Variants in SPTAN1 observed in about 807,000 individuals in gnomAD.
The protein encoded by SPTAN1 is spectrin alpha chain, non-erythrocytic 1.
SPTAN1 carries 61 observed loss-of-function variants against 331.3 expected under a neutral mutation model. The observed-to-expected ratio is 0.18, with a 90% CI of 0.15 to 0.23. SPTAN1 has a LOEUF of 0.23. Ranked by LOEUF, SPTAN1 falls within the 10% of genes least tolerant of loss-of-function variation. SPTAN1 has a pLI of 1.00. For synonymous variants in SPTAN1, 1,153 were observed against 1,173.9 expected (o/e 0.98, Z 0.36); for missense variants, 2,043 against 3,147.9 (o/e 0.65, Z 8.40).
rs745582924 is a variant in SPTAN1, at chr9:128,626,590, G to A, written c.6479G>A (p.Arg2160His). ...ADFNQLAELDRQIKSFRVASN... is the reference protein window; with the variant it reads ...ADFNQLAELDHQIKSFRVASN... The stretch of plus-strand genomic sequence containing the variant: ...TTCAACCAGCTGGCCGAGCTGGACC[G>A]CCAGATCAAGAGCTTCCGCGTAGCC... The change falls in exon 49 of 57, where the codon CGC becomes CAC. Residue 2160 changes from arginine (R) to histidine (H), a missense_variant. Arg to His is a conservative substitution (Grantham distance 29). Around this residue, in one of 12 missense-constraint regions of SPTAN1, gnomAD observed 256 missense variants for 376.4 expected, o/e 0.68. Transcript: ENST00000372739. 11 of 1,613,828 alleles carry A rather than the reference G, an allele frequency of 6.8e-6. No individual in the cohort carries two copies. The highest frequency in any genetic ancestry group is 8.5e-6 in the Non-Finnish European group (10 of 1,179,978).
Position 128,615,728 on chromosome 9 carries a change from G to A in SPTAN1, c.5245G>A (p.Gly1749Arg), listed in dbSNP as rs771886198. ...AAAGGACAAGAGGGACACCATCAAC[G>A]GGCGCTTCCAGAAGATCAAGAGCAT... ...QVKDKRDTIN[G>R]RFQKIKSMAA... Residue 1749 changes from glycine to arginine, a missense_variant, in exon 41 of 57, where the codon GGG becomes AGG. Gly to Arg is a moderately radical substitution (Grantham distance 125). Coordinates refer to ENST00000372739, the MANE Select transcript of SPTAN1 (RefSeq NM_001130438.3). 59 of 1,614,080 alleles carry A rather than the reference G, an allele frequency of 3.7e-5. No individual in the cohort carries two copies. The South Asian group carries it at 5.6e-4, about 15-fold the overall frequency.
chr9:128,586,643 G>A (rs150991904), intron 19 of SPTAN1, among the ~76,000 whole-genome samples: 4 of 151,856 alleles, frequency 2.6e-5, no homozygotes, highest in South Asian at 2.1e-4. Flanking sequence ...ATACCAGTGC[G>A]CACATATACC....
chr9:128,615,779 A>G lies in SPTAN1; in HGVS notation c.5296A>G (p.Asn1766Asp). ...SMAASRRAKLNESHRLHQFFR... is the reference protein window; with the variant it reads ...SMAASRRAKLDESHRLHQFFR... ...GGCGGCCTCCCGGCGAGCCAAGCTGAATGAATCCCATCGCCTGCACCAGTT... is the reference window on the plus strand; with the variant it reads ...GGCGGCCTCCCGGCGAGCCAAGCTGGATGAATCCCATCGCCTGCACCAGTT... The change falls in exon 41 of 57, where the codon AAT becomes GAT. Residue 1766 changes from asparagine to aspartate, a missense_variant. Coordinates refer to ENST00000372739, the MANE Select transcript of SPTAN1 (RefSeq NM_001130438.3). 1 of 1,614,262 alleles carries G rather than the reference A, an allele frequency of 6.2e-7. No individual in the cohort carries two copies. Among genetic ancestry groups the G allele is most frequent in the Non-Finnish European group, 8.5e-7 (1 of 1,180,054 alleles).
intron 52 of SPTAN1, 181 bp downstream of exon 52, chr9:128,630,556 G>A: frequency 1.6e-6 from 1 of 614,078 alleles, no homozygotes; most frequent in Non-Finnish European, 2.9e-6. Flanking sequence ...TTTCTTCATG[G>A]AATCTCTCTC....
intron 51 of SPTAN1, 166 bp downstream of exon 51, chr9:128,628,108 C>A: frequency 1.1e-6 from 1 of 898,658 alleles, no homozygotes; most frequent in Non-Finnish European, 1.9e-6. Context: ...GTGTGCCTTG[C>A]CCCATAGCCC....
chr9:128,617,550 T>C, intron 41 of SPTAN1, 90 bp from the exon 42 acceptor site: 1 of 1,588,350 alleles, frequency 6.3e-7, no homozygotes, highest in Non-Finnish European at 8.6e-7. Flanking sequence ...GATTAGTAGA[T>C]GTCTGTGAGG....
At position 128,629,568 on chromosome 9, in the gene SPTAN1, C is replaced by T. The variant is rs561393353; in HGVS notation, c.6708-753C>T. Reference sequence around the variant, plus strand: ...CCAAGGCCACACGCACCGTGTGATTCGTCCCTGCACGTAACCCTAACTCGT... The same window carrying T: ...CCAAGGCCACACGCACCGTGTGATTTGTCCCTGCACGTAACCCTAACTCGT... On this transcript the variant is annotated intron_variant, in intron 51 of 56. Coordinates refer to ENST00000372739, the MANE Select transcript of SPTAN1 (RefSeq NM_001130438.3). The surrounding 1 kb of genome is among the most constrained non-coding windows in gnomAD (Gnocchi z 4.9). 7.5e-5 allele frequency: 14 copies of T among 185,748 alleles called. No homozygotes were observed. The East Asian group carries it at 1.4e-3, about 19-fold the overall frequency. The allele number at this position is 185,748 out of a possible 1,614,324, so 11.5% of individuals were successfully genotyped here.
chr9:128,581,597 T>C (rs558075977), intron 11 of SPTAN1, among the ~76,000 whole-genome samples, 185 bp from the exon 12 acceptor site: 6 of 152,282 alleles, frequency 3.9e-5, no homozygotes, highest in African/African-American at 1.2e-4. Flanking sequence ...TTTCATGATA[T>C]GGCTGGATTG....
Position 128,577,394 on chromosome 9 carries a change from C to T in SPTAN1, c.973C>T (p.His325Tyr), listed in dbSNP as rs202099793. 1 of 1,614,240 alleles carries T rather than the reference C, an allele frequency of 6.2e-7. No homozygotes were observed. The highest frequency in any genetic ancestry group is 2.2e-5 in the East Asian group (1 of 44,882). Residue 325 changes from histidine to tyrosine, a missense_variant, in exon 8 of 57, where the codon CAC becomes TAC. This residue lies in a region of SPTAN1 where 1,038 missense variants were observed against 1,531.5 expected (regional missense o/e 0.68). Coordinates refer to ENST00000372739, the MANE Select transcript of SPTAN1 (RefSeq NM_001130438.3). This position sits in a 1 kb window ranked among gnomAD's most constrained non-coding sequence, Gnocchi z 4.2. ...CAEADRLQQS[H>Y]PLSATQIQVK... ...TGAGGCTGACCGCCTGCAACAGTCC[C>T]ACCCTCTGAGTGCAACACAGATTCA...
intron 12 of SPTAN1, among the ~76,000 whole-genome samples, chr9:128,582,150 A>G (rs1232797712): frequency 6.6e-6 from 1 of 152,226 alleles, no homozygotes; most frequent in Non-Finnish European, 1.5e-5. Context: ...GGTTAATATT[A>G]AGAGGTACTC....
intron 11 of SPTAN1, 99 bp from the exon 12 acceptor site, chr9:128,581,683 C>T: frequency 1.1e-6 from 1 of 903,790 alleles, no homozygotes. Context: ...AAATCTCTTT[C>T]CTTCTTTTTA....
intron 9 of SPTAN1, 54 bp downstream of exon 9, chr9:128,578,299 C>A: frequency 6.2e-7 from 1 of 1,605,628 alleles, no homozygotes; most frequent in South Asian, 1.1e-5. Flanking sequence ...TATAATGCAC[C>A]AGTTTATCAG....
chr9:128,572,291 G>C (rs1283310886), intron 3 of SPTAN1, among the ~76,000 whole-genome samples: 1 of 152,038 alleles, frequency 6.6e-6, no homozygotes, highest in Admixed American at 6.6e-5. Flanking sequence ...TCAGAACCAG[G>C]CTTGCTTGTC....
chr9:128,587,991 GTT>G lies in SPTAN1; in HGVS notation c.2871+294_2871+295del, dbSNP rs1852887358. Among the ~76,000 whole-genome samples, 3 of 149,812 alleles carry G rather than the reference GTT, an allele frequency of 2.0e-5. No homozygotes were observed. The Admixed American group carries it at 2.0e-4, about 10-fold the overall frequency. On this transcript the variant is annotated intron_variant, in intron 20 of 56. Coordinates refer to ENST00000372739, the MANE Select transcript of SPTAN1 (RefSeq NM_001130438.3). ...CTCCTGAGTAGGTGGGATTACAGGT[GTT>G]CACCACCATGCCCAGCTAAATTTTT...
At chr9:128,603,653 T>A in intron 28 of SPTAN1, 63 bp downstream of exon 28, 1 of 1,583,870 alleles carries the variant, frequency 6.3e-7, no homozygotes, top group Admixed American at 1.7e-5. Flanking sequence ...TCCTTCCCTG[T>A]CTACAGCAGA....
At chr9:128,594,429 ATTTTTTTTTT>A (rs10679469) in intron 24 of SPTAN1, 56 bp downstream of exon 24, 1 of 602,916 alleles carries the variant, frequency 1.7e-6, no homozygotes, top group African/African-American at 2.3e-5. Context: ...GAGTCTCTTG[ATTTTTTTTTT>A]TTTTTTTTTT....
chr9:128,593,355 T>G, intron 23 of SPTAN1: 1 of 429,456 alleles, frequency 2.3e-6, no homozygotes, highest in Non-Finnish European at 4.3e-6. Context: ...TTCTATAGTT[T>G]TCCTTAGTAG....
chr9:128,568,822 A>T lies in SPTAN1; in HGVS notation c.288A>T (p.Ser96=). ...QAFEAEVQAN[S]GAIVKLDETG... ...TTGAAGCTGAAGTGCAGGCCAACTC[A>T]GGAGCCATTGTTAAGCTGGATGAAA... The change falls in exon 3 of 57, where the codon TCA becomes TCT. Residue 96 remains serine, a synonymous_variant. Coordinates refer to ENST00000372739, the MANE Select transcript of SPTAN1 (RefSeq NM_001130438.3). 6.2e-7 allele frequency: 1 copy of T among 1,614,176 alleles called. No homozygotes were observed. Among genetic ancestry groups the T allele is most frequent in the East Asian group, 2.2e-5 (1 of 44,886 alleles).
At chr9:128,618,153 A>G (rs748540221) in intron 43 of SPTAN1, 45 bp downstream of exon 43, 3 of 1,610,978 alleles carry the variant, frequency 1.9e-6, no homozygotes, top group Non-Finnish European at 2.5e-6. Context: ...GTGGAAGGCC[A>G]GCACCCAAGG....
Sources: allele counts gnomAD v4.1 joint callset (sites outside exome capture counted in the v4.1 genomes callset), GRCh38; gene constraint gnomAD v4.1.1; regional missense constraint gnomAD v4.1.1; non-coding constraint Gnocchi (gnomAD v3.1); transcripts MANE v1.5; gene names NCBI Gene and HGNC (gene_info 2026-07-23, HGNC 2026-07-21).